The following TAFA5 variants were observed in gnomAD, a reference collection of about 807,000 sequenced individuals.
TAFA5 encodes the protein TAFA chemokine like family member 5.
Under a neutral mutation model 15.3 loss-of-function variants are expected in TAFA5, and 6 were observed. The observed-to-expected ratio is 0.39, with a 90% CI of 0.21 to 0.77. The LOEUF is 0.77. Ranked by LOEUF, TAFA5 falls within the 30% of genes least tolerant of loss-of-function variation. The probability of loss-of-function intolerance (pLI) is 0.41; values close to 1 mark genes in which losing one functional copy is unlikely to be tolerated. For missense variants in TAFA5, 161 were observed against 193.1 expected (o/e 0.83, Z 0.98); for synonymous variants, 103 against 80.7 (o/e 1.28, Z -1.48).
chr22:48,595,877 A>C (rs1277129033), intron 1 of TAFA5, among the ~76,000 whole-genome samples: 1 of 152,282 alleles, frequency 6.6e-6, no homozygotes, highest in Non-Finnish European at 1.5e-5. Context: ...AAGTGGCAAG[A>C]TTATGCAAAA....
At chr22:48,523,834 CCT>C (rs1171898784) in intron 1 of TAFA5, among the ~76,000 whole-genome samples, 4 of 152,190 alleles carry the variant, frequency 2.6e-5, no homozygotes, top group Non-Finnish European at 5.9e-5. Flanking sequence ...GACGCAGGGT[CCT>C]CTCTGCAGAG....
intron 1 of TAFA5, among the ~76,000 whole-genome samples, chr22:48,620,934 C>CCCACCTACCCACCCAATTTATCCACCCA (rs1925798969): frequency 3.3e-4 from 1 of 3,010 alleles, no homozygotes; most frequent in Non-Finnish European, 7.3e-4. Context: ...TCATCCATCC[C>CCCACCTACCCACCCAATTTATCCACCCA]CCCACCCACC....
At chr22:48,575,739 C>T (rs1923753409) in intron 1 of TAFA5, among the ~76,000 whole-genome samples, 1 of 144,594 alleles carries the variant, frequency 6.9e-6, no homozygotes, top group South Asian at 2.1e-4. Context: ...CCGGTGGGGA[C>T]CGGCCCGCCA....
intron 2 of TAFA5, among the ~76,000 whole-genome samples, chr22:48,674,367 A>T (rs893069411): frequency 6.6e-6 from 1 of 152,018 alleles, no homozygotes; most frequent in Non-Finnish European, 1.5e-5. Flanking sequence ...GCACCCGTCC[A>T]TGCCTGTCCA....
rs1922814609 is a variant in TAFA5, at chr22:48,550,335, G to A, written c.112+60631G>A. On this transcript the variant is annotated intron_variant, in intron 1 of 3. Coordinates refer to ENST00000402357, the MANE Select transcript of TAFA5 (RefSeq NM_001082967.3). The surrounding 1 kb of genome is among the most constrained non-coding windows in gnomAD (Gnocchi z 4.1). The stretch of plus-strand genomic sequence containing the variant: ...GGTGAGGCCAGATGCAGACAGGAGC[G>A]CCATGAGAGGGCAAGGGCTTCCAGG... 6.6e-6 allele frequency among the ~76,000 whole-genome samples: 1 copy of A among 152,182 alleles called. No individual in the cohort carries two copies. Among genetic ancestry groups the A allele is most frequent in the African/African-American group, 2.4e-5 (1 of 41,458 alleles).
At chr22:48,542,281 T>G (rs1328491327) in intron 1 of TAFA5, among the ~76,000 whole-genome samples, 11 of 93,294 alleles carry the variant, frequency 1.2e-4, no homozygotes, top group Admixed American at 2.5e-4. Context: ...GTGTGGGGGG[T>G]GTGTGTGCAT....
intron 3 of TAFA5, among the ~76,000 whole-genome samples, chr22:48,717,684 T>C (rs1021748851): frequency 6.6e-5 from 10 of 152,220 alleles, no homozygotes; most frequent in Non-Finnish European, 1.5e-4. Flanking sequence ...GCAGGTGCCA[T>C]TGGAGAGTTC....
intron 1 of TAFA5, among the ~76,000 whole-genome samples, chr22:48,588,641 G>A (rs1474594405): frequency 2.0e-5 from 3 of 152,166 alleles, no homozygotes; most frequent in East Asian, 1.9e-4. Flanking sequence ...CTGTGACAAC[G>A]GGGACCTGCG....
chr22:48,746,257 C>T (rs778041087), intron 3 of TAFA5, among the ~76,000 whole-genome samples: 1 of 152,050 alleles, frequency 6.6e-6, no homozygotes, highest in Non-Finnish European at 1.5e-5. Context: ...GCCTCCACCC[C>T]GTGCCGTTCA....
chr22:48,528,525 T>C (rs1921858344), intron 1 of TAFA5, among the ~76,000 whole-genome samples: 3 of 152,198 alleles, frequency 2.0e-5, no homozygotes, highest in African/African-American at 7.2e-5. Context: ...CCATCAAGGG[T>C]GGTCTTCACC....
At chr22:48,645,126 C>A (rs544845092) in intron 1 of TAFA5, among the ~76,000 whole-genome samples, 2 of 152,332 alleles carry the variant, frequency 1.3e-5, no homozygotes, top group East Asian at 3.9e-4. Flanking sequence ...AAGTAGACAT[C>A]CAGGTGGTTC....
chr22:48,581,206 G>A (rs545303003), intron 1 of TAFA5, among the ~76,000 whole-genome samples: 1 of 152,322 alleles, frequency 6.6e-6, no homozygotes, highest in East Asian at 1.9e-4. Context: ...GACTGGAAAT[G>A]GAGGTGACTT....
At chr22:48,493,358 T>C (rs6007867) in intron 1 of TAFA5, among the ~76,000 whole-genome samples, 1 of 152,036 alleles carries the variant, frequency 6.6e-6, no homozygotes, top group Non-Finnish European at 1.5e-5. Context: ...CATGTCCTCA[T>C]CTATAACTAT....
At chr22:48,601,759 G>T (rs1395339208) in intron 1 of TAFA5, among the ~76,000 whole-genome samples, 4 of 152,164 alleles carry the variant, frequency 2.6e-5, no homozygotes, top group African/African-American at 9.7e-5. Flanking sequence ...CCTAACACAA[G>T]TGCACGCCTG....
At chr22:48,546,841 C>G (rs916169018) in intron 1 of TAFA5, 7 of 297,556 alleles carry the variant, frequency 2.4e-5, no homozygotes, top group East Asian at 9.0e-5. Flanking sequence ...TCCACCCTCT[C>G]GTGCGGGGAG....
At chr22:48,668,432 G>GT (rs1927691894) in intron 2 of TAFA5, among the ~76,000 whole-genome samples, 1 of 26,926 alleles carries the variant, frequency 3.7e-5, no homozygotes, top group Non-Finnish European at 5.2e-5. Flanking sequence ...ACTGGGAGCT[G>GT]TAATCCCCCA....
chr22:48,629,415 C>T (rs1351205890), intron 1 of TAFA5, among the ~76,000 whole-genome samples: 1 of 152,240 alleles, frequency 6.6e-6, no homozygotes, highest in Non-Finnish European at 1.5e-5. Context: ...AGCTCTGCCT[C>T]CAGGCCCCCC....
intron 2 of TAFA5, among the ~76,000 whole-genome samples, chr22:48,674,906 C>T (rs1021345158): frequency 5.3e-5 from 8 of 151,104 alleles, no homozygotes; most frequent in African/African-American, 1.7e-4. Context: ...ATAGAGACTG[C>T]GTAGCCACAG....
At chr22:48,692,040 A>G (rs1019534239) in intron 2 of TAFA5, among the ~76,000 whole-genome samples, 6 of 151,402 alleles carry the variant, frequency 4.0e-5, no homozygotes, top group South Asian at 4.2e-4. Flanking sequence ...CCTGTCCCCA[A>G]TCAGAGAGGC....
Sources: allele counts gnomAD v4.1 joint callset (sites outside exome capture counted in the v4.1 genomes callset), GRCh38; gene constraint gnomAD v4.1.1; non-coding constraint Gnocchi (gnomAD v3.1); transcripts MANE v1.5; gene names NCBI Gene and HGNC (gene_info 2026-07-23, HGNC 2026-07-21).